Variants in DOCK8 observed in about 807,000 individuals in gnomAD.
DOCK8 encodes dedicator of cytokinesis 8, also known as dedicator of cytokinesis protein 8.
A neutral mutation model predicts 245.6 loss-of-function variants in DOCK8; 141 were observed. The observed-to-expected ratio is 0.57, with a 90% confidence interval of 0.50 to 0.66. DOCK8 has a LOEUF of 0.66. Ranked by LOEUF, DOCK8 falls within the 30% of genes least tolerant of loss-of-function variation. DOCK8 has a pLI of 0.00. For synonymous variants in DOCK8, 1,168 were observed against 970.2 expected (o/e 1.20, Z -3.79); for missense variants, 2,965 against 2,603.4 (o/e 1.14, Z -3.02).
At position 464,596 on chromosome 9, in the gene DOCK8, T is replaced by C; in HGVS notation, c.*377T>C. Reference sequence around the variant, plus strand: ...ATTTATTGGAGTAACTCAAATTGCCTGAGGAAAAATGGAAAAATTATCCAC... The same window carrying C: ...ATTTATTGGAGTAACTCAAATTGCCCGAGGAAAAATGGAAAAATTATCCAC... On this transcript the variant is annotated 3_prime_UTR_variant, in exon 48 of 48. Coordinates refer to ENST00000432829, the MANE Select transcript of DOCK8 (RefSeq NM_203447.4). The C allele has an allele frequency of 3.7e-6, 1 of 272,576 alleles. No homozygotes were observed. The highest frequency in any genetic ancestry group is 4.9e-5 in the Admixed American group (1 of 20,612). The allele number at this position is 272,576 out of a possible 1,614,324, so 16.9% of individuals were successfully genotyped here.
intron 45 of DOCK8, among the ~76,000 whole-genome samples, chr9:451,076 G>A (rs1248482507): frequency 6.6e-6 from 1 of 152,092 alleles, no homozygotes; most frequent in Non-Finnish European, 1.5e-5. Flanking sequence ...ACTGTGGGAG[G>A]CCGAGGTGGG....
At chr9:234,767 T>C (rs1297937968) in intron 1 of DOCK8, among the ~76,000 whole-genome samples, 1 of 152,178 alleles carries the variant, frequency 6.6e-6, no homozygotes, top group Non-Finnish European at 1.5e-5. Flanking sequence ...TTAGGACTTC[T>C]TTGCATTGGT....
intron 1 of DOCK8, chr9:215,331 G>C (rs1277688675): frequency 1.2e-6 from 2 of 1,602,746 alleles, no homozygotes; most frequent in African/African-American, 2.7e-5. Context: ...TCTTACAGGT[G>C]GCCGGGTCCC....
At chr9:215,367 C>A in intron 1 of DOCK8, 2 of 1,592,966 alleles carry the variant, frequency 1.3e-6, no homozygotes, top group African/African-American at 1.4e-5. Flanking sequence ...GCCTGGGTAA[C>A]CGTGTTGGGC....
chr9:406,810 C>T (rs564364519), intron 27 of DOCK8, 120 bp from the exon 28 acceptor site: 1 of 1,288,076 alleles, frequency 7.8e-7, no homozygotes, highest in African/African-American at 1.5e-5. Flanking sequence ...CACCAGAGTA[C>T]CTACCTCACT....
intron 13 of DOCK8, 101 bp downstream of exon 13, chr9:339,200 A>T (rs1384379455): frequency 1.9e-6 from 2 of 1,038,932 alleles, no homozygotes; most frequent in Non-Finnish European, 2.9e-6. Context: ...CATGTTTGCC[A>T]AGTGAAATGT....
At chr9:341,124 A>T (rs376638293) in intron 14 of DOCK8, among the ~76,000 whole-genome samples, 1 of 152,246 alleles carries the variant, frequency 6.6e-6, no homozygotes, top group African/African-American at 2.4e-5. Flanking sequence ...CACTAATCAC[A>T]TGTAGCTGTT....
At chr9:405,610 T>C (rs942626656) in intron 27 of DOCK8, among the ~76,000 whole-genome samples, 37 of 152,220 alleles carry the variant, frequency 2.4e-4, no homozygotes, top group Non-Finnish European at 1.3e-4. Flanking sequence ...TTTGAAATGT[T>C]ACTCTGGAAT....
At chr9:275,889 T>TTTAAAAAAACTTTAA (rs2048327714) in intron 2 of DOCK8, among the ~76,000 whole-genome samples, 1 of 81,196 alleles carries the variant, frequency 1.2e-5, no homozygotes, top group Non-Finnish European at 2.4e-5. Context: ...GGGCCCGGCC[T>TTTAAAAAAACTTTAA]AGTTTTACTT....
chr9:214,423 A>G (rs1278399142), upstream of DOCK8: 2 of 1,398,190 alleles, frequency 1.4e-6, no homozygotes, highest in Non-Finnish European at 2.0e-6. Context: ...AGTTGATTTG[A>G]ATCCTGATAG....
intron 4 of DOCK8, among the ~76,000 whole-genome samples, chr9:296,872 C>T (rs771786075): frequency 6.6e-5 from 10 of 152,182 alleles, no homozygotes; most frequent in Non-Finnish European, 1.5e-4. Flanking sequence ...CACTAAGACT[C>T]TCCAGGCTCT....
intron 2 of DOCK8, among the ~76,000 whole-genome samples, chr9:278,377 C>T (rs763415522): frequency 8.5e-5 from 13 of 152,210 alleles, no homozygotes; most frequent in Non-Finnish European, 1.6e-4. Context: ...TAGTAGAGAG[C>T]TTACTCATTC....
chr9:356,507 G>T, intron 14 of DOCK8, among the ~76,000 whole-genome samples: 1 of 147,466 alleles, frequency 6.8e-6, no homozygotes, highest in Non-Finnish European at 1.5e-5. Flanking sequence ...TCCAGCCTGG[G>T]CTACAGAGCG....
chr9:326,962 G>C lies in DOCK8; in HGVS notation c.895-1060G>C, dbSNP rs570751067. Among the ~76,000 whole-genome samples the C allele has an allele frequency of 2.0e-5, 3 of 152,298 alleles. No individual in the cohort carries two copies. The East Asian group carries it at 5.8e-4, about 29-fold the overall frequency. On this transcript the variant is annotated intron_variant, in intron 8 of 47. Coordinates refer to ENST00000432829, the MANE Select transcript of DOCK8 (RefSeq NM_203447.4). The stretch of plus-strand genomic sequence containing the variant: ...AAGGAGAGAACCCAACCATACAGTG[G>C]CTCTTAAGTAATACGACACTAAGAG...
At chr9:400,124 T>TCCTC (rs2054749450) in intron 26 of DOCK8, among the ~76,000 whole-genome samples, 4 of 15,526 alleles carry the variant, frequency 2.6e-4, no homozygotes, top group African/African-American at 1.6e-3. Flanking sequence ...ACCACCAGCA[T>TCCTC]CTTCACCATC....
chr9:332,042 T>C (rs2051036136), intron 9 of DOCK8, among the ~76,000 whole-genome samples: 1 of 152,252 alleles, frequency 6.6e-6, no homozygotes, highest in Admixed American at 6.5e-5. Context: ...TAAAATAACT[T>C]TTATTGCTGT....
At chr9:439,197 C>G (rs774836231) in intron 39 of DOCK8, 48 bp from the exon 40 acceptor site, 1 of 1,613,634 alleles carries the variant, frequency 6.2e-7, no homozygotes, top group Non-Finnish European at 8.5e-7. Context: ...TGGTCTCTTA[C>G]TAGTCTGGTC....
intron 1 of DOCK8, among the ~76,000 whole-genome samples, chr9:250,781 A>G (rs1041598538): frequency 6.6e-6 from 1 of 152,214 alleles, no homozygotes; most frequent in Non-Finnish European, 1.5e-5. Context: ...GATGCAGCCG[A>G]AAGATCACAT....
Position 429,725 on chromosome 9 carries a change from G to C in DOCK8, c.4497G>C (p.Glu1499Asp). ...AGTTTGGAGACTTACTCTTTGAAGA[G>C]GAGGTGGAACAGTGTTTCGACCTAT... is the stretch of plus-strand genomic sequence containing the variant. ...IAKFGDLLFE[E>D]EVEQCFDLCH... is the part of the protein sequence containing the mutation. Residue 1499 changes from glutamate (E) to aspartate (D), a missense_variant, in exon 36 of 48, where the codon GAG (glutamate) becomes GAC (aspartate). Physicochemically the swap from Glu to Asp is conservative, Grantham distance 45. This residue lies in a region of DOCK8 where 2,825 missense variants were observed against 2,453.5 expected (regional missense o/e 1.15). Transcript: ENST00000432829. 6.2e-7 allele frequency: 1 copy of C among 1,614,166 alleles called. No individual in the cohort carries two copies. Among genetic ancestry groups the C allele is most frequent in the Non-Finnish European group, 8.5e-7 (1 of 1,180,028 alleles).
Sources: allele counts gnomAD v4.1 joint callset (sites outside exome capture counted in the v4.1 genomes callset), GRCh38; gene constraint gnomAD v4.1.1; regional missense constraint gnomAD v4.1.1; transcripts MANE v1.5; gene names NCBI Gene and HGNC (gene_info 2026-07-23, HGNC 2026-07-21).